The following PDE1A variants were observed in gnomAD, a reference collection of about 807,000 sequenced individuals.
The protein encoded by PDE1A is phosphodiesterase 1A.
A neutral mutation model predicts 61.7 loss-of-function variants in PDE1A; 35 were observed. That is an observed-to-expected ratio of 0.57 (90% confidence interval 0.43 to 0.75). The LOEUF (loss-of-function observed/expected upper bound fraction) is 0.75. PDE1A is among the 30% of genes least tolerant of loss of function. PDE1A has a pLI of 0.00. For synonymous variants in PDE1A, 232 were observed against 213.2 expected, an observed-to-expected ratio of 1.09 and a Z score of -0.77; for missense variants, 597 against 630.6, an observed-to-expected ratio of 0.95 and a Z score of 0.57.
At chr2:182,628,320 G>T in the PDE1A span, among the ~76,000 whole-genome samples, 3 of 152,166 alleles carry the variant, frequency 2.0e-5, no homozygotes, top group Non-Finnish European at 4.4e-5. Context: ...CATTCAAGTA[G>T]TTTCATCAAA....
intron 2 of PDE1A, among the ~76,000 whole-genome samples, chr2:182,450,495 T>C (rs1386470944): frequency 1.3e-5 from 2 of 152,002 alleles, no homozygotes; most frequent in African/African-American, 2.4e-5. Flanking sequence ...ACTGAATTTA[T>C]TGGCTCACAG....
At chr2:182,671,178 T>G in the PDE1A span, among the ~76,000 whole-genome samples, 1 of 150,270 alleles carries the variant, frequency 6.7e-6, no homozygotes, top group African/African-American at 2.5e-5. Context: ...GATCACACTT[T>G]TTTTTCTTTT....
chr2:182,401,166 C>G (rs977103936), intron 1 of PDE1A, among the ~76,000 whole-genome samples: 35 of 152,170 alleles, frequency 2.3e-4, no homozygotes, highest in African/African-American at 8.4e-4. Flanking sequence ...TTCTCTAACT[C>G]ATTTTATGAT....
intron 1 of PDE1A, among the ~76,000 whole-genome samples, chr2:182,388,585 G>A (rs938600061): frequency 4.6e-5 from 7 of 151,814 alleles, no homozygotes; most frequent in Non-Finnish European, 1.0e-4. Flanking sequence ...GATCAATGAA[G>A]AAATTTAAAG....
chr2:182,538,773 G>A, the PDE1A span, among the ~76,000 whole-genome samples: 2 of 152,028 alleles, frequency 1.3e-5, no homozygotes, highest in Admixed American at 6.5e-5. Context: ...AAATACATAT[G>A]GTGTCAGATT....
rs571474349 is a variant in PDE1A at position 182,295,014 on chromosome 2, C to T, written c.54-30600G>A. ...ATTTTAGGTAACTTGGTTAAGTCTCCGTTTATTGCAACCAAAAACGACCAA... is the reference window on the plus strand; with the variant it reads ...ATTTTAGGTAACTTGGTTAAGTCTCTGTTTATTGCAACCAAAAACGACCAA... On this transcript the variant is annotated intron_variant, in intron 1 of 13. Coordinates refer to ENST00000351439, the Ensembl canonical transcript of PDE1A. 1.8e-3 allele frequency among the ~76,000 whole-genome samples: 262 copies of T among 146,158 alleles called. 1 individual carries two copies. The highest frequency in any genetic ancestry group is 6.4e-3 in the African/African-American group (255 of 39,590).
chr2:182,310,152 T>A (rs890210045), intron 1 of PDE1A, among the ~76,000 whole-genome samples: 1 of 152,192 alleles, frequency 6.6e-6, no homozygotes, highest in African/African-American at 2.4e-5. Context: ...GAGTCTATCA[T>A]TCACTTCAAC....
upstream of PDE1A, among the ~76,000 whole-genome samples, chr2:182,527,329 TATATATATA>T (rs1559543449): frequency 0.031 from 229 of 7,440 alleles, 24 homozygotes; most frequent in African/African-American, 0.11. Flanking sequence ...AAAAAAAAAA[TATATATATA>T]TATATATATA....
chr2:182,644,201 A>G, the PDE1A span, among the ~76,000 whole-genome samples: 1 of 146,262 alleles, frequency 6.8e-6, no homozygotes, highest in Non-Finnish European at 1.5e-5. Flanking sequence ...TTTACCAACC[A>G]CCAAAAATGA....
At chr2:182,661,404 A>G in the PDE1A span, among the ~76,000 whole-genome samples, 1 of 152,222 alleles carries the variant, frequency 6.6e-6, no homozygotes, top group African/African-American at 2.4e-5. Flanking sequence ...CCTTCTATAT[A>G]TCAGATACCA....
chr2:182,526,779 C>T (rs1690778917), upstream of PDE1A, among the ~76,000 whole-genome samples: 3 of 152,242 alleles, frequency 2.0e-5, 1 homozygote, highest in Admixed American at 1.3e-4. Flanking sequence ...AAAATTCTTA[C>T]AGATAAATCT....
chr2:182,486,669 C>T (rs1029567220), intron 2 of PDE1A, among the ~76,000 whole-genome samples: 1 of 152,022 alleles, frequency 6.6e-6, no homozygotes, highest in Non-Finnish European at 1.5e-5. Context: ...TTTAACAAAG[C>T]TACCATTGGG....
chr2:182,390,532 A>T (rs1201940552), intron 1 of PDE1A, among the ~76,000 whole-genome samples: 1 of 152,148 alleles, frequency 6.6e-6, no homozygotes, highest in African/African-American at 2.4e-5. Context: ...GACCTCAGAG[A>T]TTCTAATTCC....
intron 2 of PDE1A, among the ~76,000 whole-genome samples, chr2:182,433,215 C>T (rs946489539): frequency 3.3e-5 from 5 of 152,044 alleles, no homozygotes; most frequent in Admixed American, 1.3e-4. Flanking sequence ...CACCATACCA[C>T]CATTTTTACT....
chr2:182,221,767 T>C (rs191415327), intron 7 of PDE1A, among the ~76,000 whole-genome samples: 15 of 152,134 alleles, frequency 9.9e-5, no homozygotes, highest in African/African-American at 3.4e-4. Flanking sequence ...AGCAGACTTA[T>C]ATAAGAACTG....
At chr2:182,321,744 G>C (rs1296859822) in intron 1 of PDE1A, among the ~76,000 whole-genome samples, 1 of 152,072 alleles carries the variant, frequency 6.6e-6, no homozygotes, top group East Asian at 1.9e-4. Context: ...CACTCACCTA[G>C]AAAGCACCTC....
rs184063727 is a variant in PDE1A, at chr2:182,346,762, T to C, written c.53+79816A>G. ...TTACATATCTGTACAAAAATGATCA[T>C]TGATTCCTACTTCAATATGAGAAAA... On this transcript the variant is annotated intron_variant, in intron 1 of 13. Coordinates refer to ENST00000351439, the Ensembl canonical transcript of PDE1A. Among the ~76,000 whole-genome samples the C allele has an allele frequency of 2.0e-5, 3 of 152,120 alleles. No individual in the cohort carries two copies. In the South Asian group the frequency reaches 6.2e-4, roughly 31 times the overall value.
intron 2 of PDE1A, among the ~76,000 whole-genome samples, chr2:182,243,935 TC>T (rs1182451485): frequency 6.6e-6 from 1 of 152,198 alleles, no homozygotes; most frequent in Non-Finnish European, 1.5e-5. Flanking sequence ...TGGTGCGATC[TC>T]GGCTCACCAC....
intron 2 of PDE1A, among the ~76,000 whole-genome samples, chr2:182,522,063 A>T (rs1257933867): frequency 1.3e-5 from 2 of 152,190 alleles, no homozygotes; most frequent in East Asian, 3.8e-4. Flanking sequence ...CAGTAAAGTG[A>T]CTTCTCCAGA....
Sources: allele counts gnomAD v4.1 joint callset (sites outside exome capture counted in the v4.1 genomes callset), GRCh38; gene constraint gnomAD v4.1.1; transcripts MANE v1.5; gene names NCBI Gene and HGNC (gene_info 2026-07-23, HGNC 2026-07-21).